SNAPC3: variants seen among roughly 807,000 people sequenced by gnomAD.
The protein encoded by SNAPC3 is small nuclear RNA activating complex polypeptide 3.
In SNAPC3, 56 loss-of-function variants were observed where a neutral mutation model predicts 47.7. The observed-to-expected ratio is 1.18, with a 90% CI of 0.95 to 1.47. The LOEUF is 1.47. Ranked by LOEUF, SNAPC3 falls within the 40% of genes most tolerant of loss-of-function variation. The pLI is 0.00. For synonymous variants in SNAPC3, 235 were observed against 189.9 expected (o/e 1.24, Z -1.95); for missense variants, 665 against 511.3 (o/e 1.30, Z -2.90).
chr9:15,432,409 A>C (rs911330795), intron 2 of SNAPC3, among the ~76,000 whole-genome samples: 2 of 152,200 alleles, frequency 1.3e-5, no homozygotes, highest in Non-Finnish European at 2.9e-5. Flanking sequence ...TGGTCTCTAA[A>C]CACCTTTTTC....
chr9:15,448,735 G>C (rs1451483661), intron 5 of SNAPC3, among the ~76,000 whole-genome samples: 2 of 152,180 alleles, frequency 1.3e-5, no homozygotes, highest in South Asian at 2.1e-4. Flanking sequence ...TGCCATCTCA[G>C]TGCTTTTGGA....
chr9:15,464,697 TAAACTTACTTAG>T (rs1563860736), downstream of SNAPC3: 1 of 198,762 alleles, frequency 5.0e-6, no homozygotes, highest in Admixed American at 6.0e-5. Flanking sequence ...TCCTCAAAAA[TAAACTTACTTAG>T]TTTTCAGTTT....
chr9:15,428,388 A>G (rs536392137), intron 2 of SNAPC3, among the ~76,000 whole-genome samples: 1 of 151,992 alleles, frequency 6.6e-6, no homozygotes, highest in Admixed American at 6.6e-5. Context: ...GGGCGCCTGT[A>G]GTCCCAGCTA....
chr9:15,428,189 A>G (rs1337626480), intron 2 of SNAPC3, among the ~76,000 whole-genome samples: 7 of 151,790 alleles, frequency 4.6e-5, no homozygotes, highest in Non-Finnish European at 1.0e-4. Flanking sequence ...AAAGAGCACC[A>G]TCAAACTGGG....
rs2035189144 is a variant in SNAPC3, at chr9:15,461,176, T to C, written c.*1310T>C. 1 of 152,136 alleles carries C rather than the reference T, an allele frequency of 6.6e-6. No homozygotes were observed. The highest frequency in any genetic ancestry group is 1.5e-5 in the Non-Finnish European group (1 of 68,038). 9.4% of individuals were successfully genotyped at this position (152,136 alleles called of 1,614,324 possible). On this transcript the variant is annotated 3_prime_UTR_variant, in exon 9 of 9. Coordinates refer to ENST00000380821, the MANE Select transcript of SNAPC3 (RefSeq NM_001039697.2). ...AACCAAAACTTTTTAAACTTATTTT[T>C]TGACATAGGGTCTTACTGTGTCACC...
chr9:15,454,657 G>C (rs2034636728), intron 7 of SNAPC3, among the ~76,000 whole-genome samples: 1 of 152,214 alleles, frequency 6.6e-6, no homozygotes, highest in Admixed American at 6.5e-5. Flanking sequence ...AAGCAAATGG[G>C]CCAGGCCCGG....
chr9:15,425,677 A>T (rs993139081), intron 2 of SNAPC3, among the ~76,000 whole-genome samples: 13 of 152,312 alleles, frequency 8.5e-5, no homozygotes, highest in African/African-American at 2.6e-4. Flanking sequence ...TATTGTTCTC[A>T]AGCCTACTAT....
At chr9:15,447,297 G>A (rs2034012950) in intron 5 of SNAPC3, 53 bp downstream of exon 5, 4 of 1,518,086 alleles carry the variant, frequency 2.6e-6, no homozygotes. Context: ...TAAGAAAATA[G>A]CGATTACTCT....
chr9:15,466,275 A>G (rs1332476133), downstream of SNAPC3, among the ~76,000 whole-genome samples: 1 of 151,854 alleles, frequency 6.6e-6, no homozygotes, highest in Non-Finnish European at 1.5e-5. Context: ...GCTACTTGGG[A>G]GGCTGAGGCA....
At chr9:15,466,211 CT>C (rs2035615070), downstream of SNAPC3, among the ~76,000 whole-genome samples, 1 of 152,194 alleles carries the variant, frequency 6.6e-6, no homozygotes, top group Non-Finnish European at 1.5e-5. Flanking sequence ...AACCTCATCT[CT>C]ACTAAAAATA....
At chr9:15,437,686 A>G (rs1202863179) in intron 3 of SNAPC3, among the ~76,000 whole-genome samples, 1 of 150,200 alleles carries the variant, frequency 6.7e-6, no homozygotes, top group Admixed American at 6.6e-5. Context: ...TGACTTGCTA[A>G]TGTTAAATTA....
At chr9:15,442,543 C>A (rs10181616) in intron 3 of SNAPC3, among the ~76,000 whole-genome samples, 2 of 150,294 alleles carry the variant, frequency 1.3e-5, no homozygotes, top group Non-Finnish European at 3.0e-5. Context: ...GGGTGGCGGC[C>A]GGGCAGAGGC....
downstream of SNAPC3, chr9:15,465,074 A>AACTT (rs1203052013): frequency 4.4e-6 from 1 of 227,108 alleles, no homozygotes; most frequent in Non-Finnish European, 8.8e-6. Context: ...AAAAATGTGT[A>AACTT]ACTTCTACAA....
chr9:15,442,453 ACGGGGCGG>A (rs2033532561), intron 3 of SNAPC3, among the ~76,000 whole-genome samples: 1 of 149,276 alleles, frequency 6.7e-6, no homozygotes, highest in African/African-American at 2.5e-5. Flanking sequence ...CACTTCTCAG[ACGGGGCGG>A]CTGCTGGGCG....
chr9:15,436,390 C>G (rs545828543), intron 3 of SNAPC3, among the ~76,000 whole-genome samples: 1 of 152,110 alleles, frequency 6.6e-6, no homozygotes, highest in Admixed American at 6.5e-5. Context: ...TGATTTCATT[C>G]TTTTGCATAT....
intron 6 of SNAPC3, 107 bp from the exon 7 acceptor site, chr9:15,452,930 CAGTT>C: frequency 1.2e-6 from 1 of 825,916 alleles, no homozygotes; most frequent in South Asian, 2.1e-5. Flanking sequence ...GGCAACTGTC[CAGTT>C]AGTTGGGTGA....
rs75616214 is a variant in SNAPC3 at position 15,424,118 on chromosome 9, G to A, written c.392+132G>A. The A allele has an allele frequency of 1.1e-3, 523 of 461,490 alleles. 8 individuals carry two copies. The East Asian group carries it at 0.019, about 17-fold the overall frequency. The allele number at this position is 461,490 out of a possible 1,614,324, so 28.6% of individuals were successfully genotyped here. A position where few individuals can be genotyped will look rare whatever the true frequency, so the allele number is the denominator to read the frequency against. On this transcript the variant is annotated intron_variant, in intron 2 of 8. Transcript: ENST00000380821. ...TTAAATTCAGCTGTTCTTAATATTT[G>A]ACCATATTTACTTTAGCCGTGTGTA... is the stretch of plus-strand genomic sequence containing the variant.
At chr9:15,451,273 C>A in intron 5 of SNAPC3, 47 bp from the exon 6 acceptor site, 1 of 749,032 alleles carries the variant, frequency 1.3e-6, no homozygotes, top group Non-Finnish European at 2.2e-6. Flanking sequence ...GCAATTTCAT[C>A]ATTGTTAATA....
At chr9:15,431,942 A>G (rs886390460) in intron 2 of SNAPC3, 2 of 133,710 alleles carry the variant, frequency 1.5e-5, no homozygotes, top group Non-Finnish European at 3.1e-5. Context: ...ATCCATGCAC[A>G]GGGGCCGTGC....
Sources: gnomAD v4.1 joint callset for allele counts (sites outside exome capture counted in the v4.1 genomes callset) on GRCh38, gnomAD v4.1.1 for gene constraint, MANE v1.5 for transcripts, NCBI Gene and HGNC (gene_info 2026-07-23, HGNC 2026-07-21) for gene names.